TRAPPC9: variants seen among roughly 807,000 people sequenced by gnomAD.
TRAPPC9 encodes trafficking protein particle complex subunit 9.
Under a neutral mutation model 124.0 loss-of-function variants are expected in TRAPPC9, and 83 were observed. The ratio of observed to expected loss-of-function variants is 0.67; its 90% CI spans 0.56 to 0.80. The LOEUF is 0.80. TRAPPC9 is among the 30% of genes least tolerant of loss of function. The probability of loss-of-function intolerance (pLI) is 0.00; values close to 1 mark genes in which losing one functional copy is unlikely to be tolerated. For missense variants in TRAPPC9, 1,302 were observed against 1,508.3 expected, an observed-to-expected ratio of 0.86 and a Z score of 2.27; for synonymous variants, 638 against 617.5, an observed-to-expected ratio of 1.03 and a Z score of -0.49.
chr8:139,853,448 A>G (rs894682863), intron 21 of TRAPPC9, among the ~76,000 whole-genome samples: 1 of 152,246 alleles, frequency 6.6e-6, no homozygotes, highest in Non-Finnish European at 1.5e-5. Flanking sequence ...CACAGGTGGA[A>G]GGGACTGGGA....
intron 16 of TRAPPC9, among the ~76,000 whole-genome samples, chr8:140,233,729 G>C (rs1465886813): frequency 7.2e-6 from 1 of 138,556 alleles, no homozygotes; most frequent in Non-Finnish European, 1.5e-5. Context: ...TTCTGCCACA[G>C]AGTTTTTACA....
At chr8:140,401,266 A>C (rs1165665451) in intron 6 of TRAPPC9, among the ~76,000 whole-genome samples, 1 of 152,228 alleles carries the variant, frequency 6.6e-6, no homozygotes, top group Non-Finnish European at 1.5e-5. Flanking sequence ...AAGCAGTTTT[A>C]TAATTACTAT....
intron 10 of TRAPPC9, chr8:140,302,858 G>A (rs368965012): frequency 1.3e-5 from 2 of 152,242 alleles, no homozygotes; most frequent in African/African-American, 2.4e-5. Flanking sequence ...CGCGCCAGCT[G>A]TAGTAGCAAG....
Position 139,866,347 on chromosome 8 carries a change from A to G in TRAPPC9, c.3055+19532T>C, listed in dbSNP as rs1433550657. ...GAGGAGGAAGTCCATTCAGATGGTC[A>G]GGGGGCCTTAGAACTTTATTTTTGG... On this transcript the variant is annotated intron_variant, in intron 21 of 22. Transcript: ENST00000438773. 2.6e-5 allele frequency among the ~76,000 whole-genome samples: 4 copies of G among 152,180 alleles called. No individual in the cohort carries two copies. The South Asian group carries it at 8.3e-4, about 32-fold the overall frequency.
At chr8:140,300,340 T>C in intron 11 of TRAPPC9, 129 bp downstream of exon 11, 2 of 1,217,138 alleles carry the variant, frequency 1.6e-6, no homozygotes, top group South Asian at 1.2e-5. Flanking sequence ...TATGCATGCG[T>C]GCACACATCC....
chr8:139,755,899 CAG>C, intron 21 of TRAPPC9, among the ~76,000 whole-genome samples: 1 of 137,566 alleles, frequency 7.3e-6, no homozygotes, highest in Admixed American at 7.1e-5. Context: ...GGGATGAGGA[CAG>C]TGTGTCGCAG....
chr8:140,409,322 A>G (rs1337192262), intron 5 of TRAPPC9, among the ~76,000 whole-genome samples: 1 of 152,212 alleles, frequency 6.6e-6, no homozygotes, highest in Non-Finnish European at 1.5e-5. Flanking sequence ...GTTGGTGTAT[A>G]TATGTAGAAA....
At chr8:140,223,438 G>A (rs934704693) in intron 16 of TRAPPC9, among the ~76,000 whole-genome samples, 4 of 152,222 alleles carry the variant, frequency 2.6e-5, no homozygotes, top group Admixed American at 2.6e-4. Flanking sequence ...GGATGGATGG[G>A]TAGACGGGTG....
intron 19 of TRAPPC9, among the ~76,000 whole-genome samples, chr8:139,968,125 G>A (rs111251840): frequency 0.037 from 5,633 of 151,304 alleles, 217 homozygotes; most frequent in African/African-American, 0.092. Flanking sequence ...CTCCAGCCTG[G>A]GCGACAGAGC....
intron 17 of TRAPPC9, among the ~76,000 whole-genome samples, chr8:140,194,960 C>T (rs1440678571): frequency 6.6e-6 from 1 of 152,128 alleles, no homozygotes; most frequent in African/African-American, 2.4e-5. Context: ...ATCCACTGTA[C>T]AGATCACACC....
At chr8:139,875,777 C>T (rs1227400610) in intron 21 of TRAPPC9, among the ~76,000 whole-genome samples, 1 of 152,372 alleles carries the variant, frequency 6.6e-6, no homozygotes, top group Middle Eastern at 3.4e-3. Flanking sequence ...ACAAAACCAC[C>T]CAGTTCACCT....
intron 21 of TRAPPC9, among the ~76,000 whole-genome samples, chr8:139,778,209 C>G (rs1821530225): frequency 6.6e-6 from 1 of 152,086 alleles, no homozygotes; most frequent in Non-Finnish European, 1.5e-5. Flanking sequence ...CATTAGGTAG[C>G]ACATTTAGCT....
chr8:140,024,894 C>G (rs988438728), intron 17 of TRAPPC9, among the ~76,000 whole-genome samples: 3 of 152,216 alleles, frequency 2.0e-5, no homozygotes, highest in Non-Finnish European at 4.4e-5. Flanking sequence ...TAAAAGCCGA[C>G]AAACTCCACA....
intron 3 of TRAPPC9, among the ~76,000 whole-genome samples, chr8:140,438,134 A>C (rs1457072793): frequency 6.6e-6 from 1 of 152,008 alleles, no homozygotes; most frequent in African/African-American, 2.4e-5. Flanking sequence ...CCAGAAAGAA[A>C]CCTTATGCCC....
At chr8:140,410,713 G>A (rs2069675172) in intron 5 of TRAPPC9, among the ~76,000 whole-genome samples, 1 of 150,986 alleles carries the variant, frequency 6.6e-6, no homozygotes, top group African/African-American at 2.4e-5. Context: ...CGTGGTGGCG[G>A]GCACCTGTAG....
chr8:140,310,847 G>A lies in TRAPPC9; in HGVS notation c.1622+401C>T, dbSNP rs146165576. Among the ~76,000 whole-genome samples, 671 of 152,174 alleles carry A rather than the reference G, an allele frequency of 4.4e-3. 7 individuals are homozygous for A. The highest frequency in any genetic ancestry group is 0.016 in the African/African-American group (655 of 41,540). ...GGAGCTGGCAAGTGCTTGTGTGGGC[G>A]AGGAGCTGCCCTGTTCCCGTGTGGC... is the stretch of plus-strand genomic sequence containing the variant. On this transcript the variant is annotated intron_variant, in intron 10 of 22. Coordinates refer to ENST00000438773, the MANE Select transcript of TRAPPC9 (RefSeq NM_001160372.4).
intron 20 of TRAPPC9, among the ~76,000 whole-genome samples, chr8:139,902,041 A>C (rs1411028909): frequency 2.6e-5 from 4 of 152,196 alleles, no homozygotes; most frequent in African/African-American, 9.6e-5. Context: ...TGCTCACAAT[A>C]ATCATCACGC....
At chr8:140,176,849 G>T (rs935749225) in intron 17 of TRAPPC9, among the ~76,000 whole-genome samples, 1 of 152,156 alleles carries the variant, frequency 6.6e-6, no homozygotes, top group African/African-American at 2.4e-5. Context: ...TCATTCAAAT[G>T]GATCGCATAA....
intron 21 of TRAPPC9, among the ~76,000 whole-genome samples, chr8:139,823,887 A>G (rs1288295152): frequency 6.6e-6 from 1 of 152,196 alleles, no homozygotes; most frequent in Non-Finnish European, 1.5e-5. Flanking sequence ...TGCTCCCTCC[A>G]GGCCCTCTCA....
Sources: gnomAD v4.1 joint callset for allele counts (sites outside exome capture counted in the v4.1 genomes callset) on GRCh38, gnomAD v4.1.1 for gene constraint, MANE v1.5 for transcripts, NCBI Gene and HGNC (gene_info 2026-07-23, HGNC 2026-07-21) for gene names.